The following CAMKMT variants were observed in gnomAD, a reference collection of about 807,000 sequenced individuals.
CAMKMT encodes CaM KMT.
A neutral mutation model predicts 48.0 loss-of-function variants in CAMKMT; 53 were observed. The observed-to-expected ratio is 1.10, with a 90% CI of 0.89 to 1.39. CAMKMT has a LOEUF of 1.39. CAMKMT is among the 40% of genes most tolerant of loss of function. The pLI is 0.00. For missense variants in CAMKMT, 428 were observed against 402.7 expected, an observed-to-expected ratio of 1.06 and a Z score of -0.54; for synonymous variants, 165 against 152.3, an observed-to-expected ratio of 1.08 and a Z score of -0.61.
chr2:44,684,088 T>A (rs1676195821), intron 3 of CAMKMT, among the ~76,000 whole-genome samples: 1 of 152,184 alleles, frequency 6.6e-6, no homozygotes, highest in East Asian at 1.9e-4. Context: ...TTCAATCATT[T>A]GTTGAGGGTG....
chr2:44,568,781 T>A (rs1490097685), intron 3 of CAMKMT, among the ~76,000 whole-genome samples: 2 of 152,072 alleles, frequency 1.3e-5, no homozygotes, highest in African/African-American at 4.8e-5. Flanking sequence ...AGCCCCTGCT[T>A]ACAGAGGGCA....
chr2:44,728,615 T>C (rs1230151456), intron 7 of CAMKMT, among the ~76,000 whole-genome samples: 2 of 152,130 alleles, frequency 1.3e-5, no homozygotes, highest in East Asian at 3.9e-4. Flanking sequence ...CTATGCAAGG[T>C]TTCCATCTCT....
chr2:44,629,093 C>A (rs1230471461), intron 3 of CAMKMT, among the ~76,000 whole-genome samples: 1 of 152,128 alleles, frequency 6.6e-6, no homozygotes, highest in East Asian at 1.9e-4. Context: ...ACTTGCTCTG[C>A]CAATTACTGA....
At chr2:44,392,749 T>A (rs992733402) in intron 3 of CAMKMT, among the ~76,000 whole-genome samples, 1 of 152,186 alleles carries the variant, frequency 6.6e-6, no homozygotes, top group Admixed American at 6.5e-5. Context: ...TTTTAATTTT[T>A]AAAAATATCA....
chr2:44,522,778 C>G (rs1181914181), intron 3 of CAMKMT, among the ~76,000 whole-genome samples: 1 of 152,194 alleles, frequency 6.6e-6, no homozygotes, highest in Non-Finnish European at 1.5e-5. Flanking sequence ...TACATTACCT[C>G]TAAATTTTGT....
intron 2 of CAMKMT, among the ~76,000 whole-genome samples, chr2:44,379,750 T>C (rs1572686813): frequency 6.6e-6 from 1 of 152,106 alleles, no homozygotes; most frequent in Non-Finnish European, 1.5e-5. Flanking sequence ...ATTCAAGTTC[T>C]CTGCCTGCTT....
At chr2:44,555,221 G>A (rs559431463) in intron 3 of CAMKMT, among the ~76,000 whole-genome samples, 1 of 152,148 alleles carries the variant, frequency 6.6e-6, no homozygotes, top group Non-Finnish European at 1.5e-5. Flanking sequence ...ATTGGAGTAG[G>A]GAAACCAGTC....
chr2:44,457,497 C>T (rs570423186), intron 3 of CAMKMT, among the ~76,000 whole-genome samples: 1 of 151,378 alleles, frequency 6.6e-6, no homozygotes, highest in Non-Finnish European at 1.5e-5. Context: ...CCCCCGGGTT[C>T]AAGCGATTCT....
intron 3 of CAMKMT, among the ~76,000 whole-genome samples, chr2:44,445,209 C>G (rs1352109433): frequency 6.6e-6 from 1 of 152,160 alleles, no homozygotes; most frequent in East Asian, 1.9e-4. Flanking sequence ...TCTCTAGGCC[C>G]TCCCTGCTTC....
chr2:44,382,541 C>T (rs1159875459), intron 2 of CAMKMT, among the ~76,000 whole-genome samples: 8 of 150,432 alleles, frequency 5.3e-5, no homozygotes, highest in East Asian at 3.9e-4. Context: ...TACAGTGGCG[C>T]GATCTCCACT....
In CAMKMT at chr2:44,393,560, C is replaced by G. The variant is rs374333765; in HGVS notation, c.376+3255C>G. 332 of 152,284 alleles carry G rather than the reference C, an allele frequency of 2.2e-3. 2 individuals are homozygous for G. The highest frequency in any genetic ancestry group is 7.8e-3 in the African/African-American group (323 of 41,558). The allele number at this position is 152,284 out of a possible 1,614,324, so 9.4% of individuals were successfully genotyped here. On this transcript the variant is annotated intron_variant, in intron 3 of 10. Coordinates refer to ENST00000378494, the MANE Select transcript of CAMKMT (RefSeq NM_024766.5). ...ATATTTCATTATTTGGTTTCTACTA[C>G]TTGAGAACCTACTTTCTTTTGAGAT...
chr2:44,635,328 G>T (rs183425839), intron 3 of CAMKMT, among the ~76,000 whole-genome samples: 150 of 152,144 alleles, frequency 9.9e-4, no homozygotes, highest in African/African-American at 3.5e-3. Flanking sequence ...GAAAGCTACT[G>T]GCCTCCAAAG....
chr2:44,753,232 G>A (rs1449187059), intron 8 of CAMKMT, among the ~76,000 whole-genome samples: 1 of 140,476 alleles, frequency 7.1e-6, no homozygotes, highest in Non-Finnish European at 1.5e-5. Context: ...TGGCAACAGA[G>A]TGAGACCCTG....
At chr2:44,507,512 G>A (rs577121668) in intron 3 of CAMKMT, among the ~76,000 whole-genome samples, 2 of 152,092 alleles carry the variant, frequency 1.3e-5, no homozygotes, top group Non-Finnish European at 2.9e-5. Flanking sequence ...TGCCTTTTTT[G>A]TAATGACCCT....
Position 44,589,695 on chromosome 2 carries a change from T to C in CAMKMT, c.377-114588T>C, listed in dbSNP as rs1374494827. Among the ~76,000 whole-genome samples, 11 of 79,854 alleles carry C rather than the reference T, an allele frequency of 1.4e-4. 4 individuals carry two copies. Among genetic ancestry groups the C allele is most frequent in the Non-Finnish European group, 3.0e-4 (11 of 36,704 alleles). 52.4% of individuals were successfully genotyped at this position (79,854 alleles called of 152,430 possible). Reference sequence around the variant, plus strand: ...CAGATGCTTGAAGTCAGCATGCTCGTTAAGAGTCGTGTCACCACTCCCTAA... The same window carrying C: ...CAGATGCTTGAAGTCAGCATGCTCGCTAAGAGTCGTGTCACCACTCCCTAA... On this transcript the variant is annotated intron_variant, in intron 3 of 10. Coordinates refer to ENST00000378494, the MANE Select transcript of CAMKMT (RefSeq NM_024766.5).
chr2:44,396,045 T>C (rs1302802678), intron 3 of CAMKMT, among the ~76,000 whole-genome samples: 1 of 152,130 alleles, frequency 6.6e-6, no homozygotes, highest in Non-Finnish European at 1.5e-5. Context: ...CTTTAATAAA[T>C]AGTATTGGGA....
chr2:44,707,260 TA>T, intron 5 of CAMKMT, 138 bp from the exon 6 acceptor site: 1 of 708,254 alleles, frequency 1.4e-6, no homozygotes. Flanking sequence ...AATGCAGACA[TA>T]AAATGAAAAA....
At chr2:44,484,225 C>G (rs566245460) in intron 3 of CAMKMT, among the ~76,000 whole-genome samples, 1 of 150,188 alleles carries the variant, frequency 6.7e-6, no homozygotes, top group African/African-American at 2.4e-5. Context: ...AACTGACAAA[C>G]GATTTTAACG....
At chr2:44,512,088 C>G (rs1039981498) in intron 3 of CAMKMT, among the ~76,000 whole-genome samples, 5 of 152,166 alleles carry the variant, frequency 3.3e-5, no homozygotes, top group African/African-American at 2.4e-5. Context: ...CTTACGTCAG[C>G]CATGACACTT....
Sources: allele counts gnomAD v4.1 joint callset (sites outside exome capture counted in the v4.1 genomes callset), GRCh38; gene constraint gnomAD v4.1.1; transcripts MANE v1.5; gene names NCBI Gene and HGNC (gene_info 2026-07-23, HGNC 2026-07-21).